The following DYNC2H1 variants were observed in gnomAD, a reference collection of about 807,000 sequenced individuals.
DYNC2H1 encodes cytoplasmic dynein 2 heavy chain 1.
A neutral mutation model predicts 570.0 loss-of-function variants in DYNC2H1; 410 were observed. That is an observed-to-expected ratio of 0.72 (90% CI 0.66 to 0.78). DYNC2H1 has a LOEUF of 0.78. Ranked by LOEUF, DYNC2H1 falls within the 30% of genes least tolerant of loss-of-function variation. The pLI is 0.00. For missense variants in DYNC2H1, 4,865 were observed against 5,046.4 expected (o/e 0.96, Z 1.09); for synonymous variants, 1,688 against 1,677.6 (o/e 1.01, Z -0.15).
At chr11:103,295,911 C>T (rs1866803531) in intron 75 of DYNC2H1, among the ~76,000 whole-genome samples, 2 of 152,256 alleles carry the variant, frequency 1.3e-5, no homozygotes, top group South Asian at 2.1e-4. Flanking sequence ...TGAGTGCCCT[C>T]GATAAAATCC....
chr11:103,238,497 A>G (rs1864305575), intron 63 of DYNC2H1, among the ~76,000 whole-genome samples: 1 of 150,508 alleles, frequency 6.6e-6, no homozygotes, highest in Non-Finnish European at 1.5e-5. Flanking sequence ...TGAAACTGGG[A>G]GGCAGAAGTT....
chr11:103,270,861 A>C (rs1360734290), intron 70 of DYNC2H1, among the ~76,000 whole-genome samples: 1 of 152,178 alleles, frequency 6.6e-6, no homozygotes, highest in Non-Finnish European at 1.5e-5. Context: ...TGTTGACTGT[A>C]GGTAACTGAA....
Position 103,173,194 on chromosome 11 carries a change from C to T in DYNC2H1, c.5447C>T (p.Ala1816Val), listed in dbSNP as rs749587339. 15 of 1,601,774 alleles carry T rather than the reference C, an allele frequency of 9.4e-6. No homozygotes were observed. Among genetic ancestry groups the T allele is most frequent in the Non-Finnish European group, 1.1e-5 (13 of 1,174,004 alleles). ...CTTAAACAGCTTTTCAGGCCCGTAG[C>T]TATGTCTCATCCAGACAATGAGCTT... The part of the protein sequence containing the change: ...DNLKQLFRPV[A>V]MSHPDNELIA... The change falls in exon 35 of 89, where the codon GCT (alanine) becomes GTT (valine). Residue 1816 changes from alanine (A) to valine (V), a missense_variant. This residue lies in a region of DYNC2H1 where 292 missense variants were observed against 300.2 expected (regional missense o/e 0.97). Coordinates refer to ENST00000375735, the MANE Select transcript of DYNC2H1 (RefSeq NM_001377.3).
chr11:103,472,939 CACA>C lies in DYNC2H1; in HGVS notation c.12765+4238_12765+4240del, dbSNP rs1207998926. Among the ~76,000 whole-genome samples, 1 of 152,120 alleles carries C rather than the reference CACA, an allele frequency of 6.6e-6. No individual in the cohort carries two copies. Among genetic ancestry groups the C allele is most frequent in the Non-Finnish European group, 1.5e-5 (1 of 68,028 alleles). ...ACTTGCCCACTAACCCAGTCATTTG[CACA>C]ACATTGCTTTGAGTTAGGCTGCAGC... On this transcript the variant is annotated intron_variant, in intron 88 of 88. Coordinates refer to ENST00000375735, the MANE Select transcript of DYNC2H1 (RefSeq NM_001377.3). This position sits in a 1 kb window ranked among gnomAD's most constrained non-coding sequence, Gnocchi z 4.1.
rs1037075239 is a variant in DYNC2H1 at position 103,446,376 on chromosome 11, A to G, written c.12457-8810A>G. 1.3e-5 allele frequency among the ~76,000 whole-genome samples: 2 copies of G among 152,188 alleles called. No individual in the cohort carries two copies. The highest frequency in any genetic ancestry group is 2.4e-5 in the African/African-American group (1 of 41,458). Reference sequence around the variant, plus strand: ...GAAAGCCTGGGAGGCTGTAGTGATCAAGAAGCCAAGAGAATAAAGTGTTCT... The same window carrying G: ...GAAAGCCTGGGAGGCTGTAGTGATCGAGAAGCCAAGAGAATAAAGTGTTCT... On this transcript the variant is annotated intron_variant, in intron 85 of 88. Coordinates refer to ENST00000375735, the MANE Select transcript of DYNC2H1 (RefSeq NM_001377.3). This position sits in a 1 kb window ranked among gnomAD's most constrained non-coding sequence, Gnocchi z 4.5.
chr11:103,399,169 G>T (rs1321147903), intron 83 of DYNC2H1, among the ~76,000 whole-genome samples: 1 of 136,158 alleles, frequency 7.3e-6, no homozygotes, highest in Non-Finnish European at 1.5e-5. Flanking sequence ...TTGAGATGGA[G>T]TCTCACTCTG....
chr11:103,262,249 A>G (rs1172581069), intron 70 of DYNC2H1, among the ~76,000 whole-genome samples: 3 of 152,328 alleles, frequency 2.0e-5, no homozygotes, highest in East Asian at 1.9e-4. Flanking sequence ...AGTGACGGGG[A>G]GAATGGAACC....
chr11:103,153,005 T>A (rs1860640715), intron 21 of DYNC2H1, among the ~76,000 whole-genome samples: 1 of 152,154 alleles, frequency 6.6e-6, no homozygotes, highest in South Asian at 2.1e-4. Context: ...ACAAACATTT[T>A]AAAATTATCT....
At chr11:103,184,823 A>G (rs903738449) in intron 40 of DYNC2H1, 73 bp from the exon 41 acceptor site, 3 of 1,486,854 alleles carry the variant, frequency 2.0e-6, no homozygotes, top group African/African-American at 2.8e-5. Flanking sequence ...TGTGAACATC[A>G]GTCTGTATGG....
At chr11:103,273,586 T>G (rs1565452718) in intron 70 of DYNC2H1, among the ~76,000 whole-genome samples, 1 of 152,226 alleles carries the variant, frequency 6.6e-6, no homozygotes, top group African/African-American at 2.4e-5. Context: ...CTGTAAATTG[T>G]GTTTTTAGTA....
In DYNC2H1 at chr11:103,184,936, T is replaced by C; in HGVS notation, c.6518T>C (p.Met2173Thr). Residue 2173 changes from methionine (M) to threonine (T), a missense_variant, in exon 41 of 89, where the codon ATG becomes ACG. Coordinates refer to ENST00000375735, the MANE Select transcript of DYNC2H1 (RefSeq NM_001377.3). ...VVETSLVGTV[M>T]NGLSHLHGCR... ...GAAACAAGTTTGGTTGGGACTGTGATGAATGGTTTGTCACATCTACATGGT... is the reference window on the plus strand; with the variant it reads ...GAAACAAGTTTGGTTGGGACTGTGACGAATGGTTTGTCACATCTACATGGT... 1 of 1,611,160 alleles carries C rather than the reference T, an allele frequency of 6.2e-7. No individual in the cohort carries two copies. Among genetic ancestry groups the C allele is most frequent in the Non-Finnish European group, 8.5e-7 (1 of 1,177,978 alleles).
Position 103,302,829 on chromosome 11 carries a change from G to A in DYNC2H1, c.11096-264G>A, listed in dbSNP as rs11225672. Reference sequence around the variant, plus strand: ...AATTTACAACACAGATGTTAAATGTGGTAATCAGGGTACCTACCTCATAGC... The same window carrying A: ...AATTTACAACACAGATGTTAAATGTAGTAATCAGGGTACCTACCTCATAGC... On this transcript the variant is annotated intron_variant, in intron 75 of 88. Transcript: ENST00000375735. Among the ~76,000 whole-genome samples, 49,055 of 151,842 alleles carry A rather than the reference G, an allele frequency of 0.32. 8,332 individuals are homozygous for A. The highest frequency in any genetic ancestry group is 0.37 in the Middle Eastern group (110 of 294).
chr11:103,441,224 G>A (rs1292183875), intron 85 of DYNC2H1, among the ~76,000 whole-genome samples: 1 of 151,892 alleles, frequency 6.6e-6, no homozygotes, highest in Non-Finnish European at 1.5e-5. Flanking sequence ...TACCCTTGCT[G>A]CTTCCTCTCC....
At chr11:103,187,006 A>G (rs1182460930) in intron 42 of DYNC2H1, among the ~76,000 whole-genome samples, 2 of 151,990 alleles carry the variant, frequency 1.3e-5, no homozygotes, top group South Asian at 2.1e-4. Context: ...TTTTAAACTC[A>G]TGGAACTTAA....
At chr11:103,351,207 G>A (rs761829994) in intron 82 of DYNC2H1, among the ~76,000 whole-genome samples, 2 of 152,090 alleles carry the variant, frequency 1.3e-5, no homozygotes, top group Non-Finnish European at 1.5e-5. Context: ...GTTTGTAGAC[G>A]GTGCTGGCTA....
At chr11:103,113,911 C>T (rs901409589) in intron 2 of DYNC2H1, among the ~76,000 whole-genome samples, 192 bp from the exon 3 acceptor site, 1 of 151,950 alleles carries the variant, frequency 6.6e-6, no homozygotes, top group Non-Finnish European at 1.5e-5. Flanking sequence ...AAATGCAATC[C>T]ACATCAACTC....
chr11:103,228,137 T>C lies in DYNC2H1; in HGVS notation c.9354-3123T>C, dbSNP rs780503663. Among the ~76,000 whole-genome samples, 12 of 152,202 alleles carry C rather than the reference T, an allele frequency of 7.9e-5. No homozygotes were observed. Among genetic ancestry groups the C allele is most frequent in the Non-Finnish European group, 1.8e-4 (12 of 68,034 alleles). The stretch of plus-strand genomic sequence containing the variant: ...ACTTGGTTGGTGAATTCTTATCCAT[T>C]CTGCCATTGTGTATCTTTTAAGTGG... On this transcript the variant is annotated intron_variant, in intron 59 of 88. Coordinates refer to ENST00000375735, the MANE Select transcript of DYNC2H1 (RefSeq NM_001377.3). This position sits in a 1 kb window ranked among gnomAD's most constrained non-coding sequence, Gnocchi z 6.1.
rs1859129987 is a variant in DYNC2H1, at chr11:103,128,915, A to T, written c.1863A>T (p.Ala621=). The change falls in exon 13 of 89, where the codon GCA becomes GCT. Residue 621 remains alanine, a synonymous_variant. Coordinates refer to ENST00000375735, the MANE Select transcript of DYNC2H1 (RefSeq NM_001377.3). The part of the protein sequence containing the change: ...CKQAIILKQV[A]HFYNSIDQQM... ...ATTGGACTTTTACTTTGTAGGTGGC[A>T]CATTTTTATAATTCTATTGATCAAC... is the stretch of plus-strand genomic sequence containing the variant. 6.3e-7 allele frequency: 1 copy of T among 1,581,630 alleles called. No individual in the cohort carries two copies. The highest frequency in any genetic ancestry group is 1.4e-5 in the African/African-American group (1 of 73,470).
At chr11:103,409,974 A>AAATTTCCATCGCCTATACCTTTATATAG in intron 84 of DYNC2H1, among the ~76,000 whole-genome samples, 1 of 150,718 alleles carries the variant, frequency 6.6e-6, no homozygotes, top group African/African-American at 2.5e-5. Flanking sequence ...CCTTTATATA[A>AAATTTCCATCGCCTATACCTTTATATAG]GATAAATGGT....
Sources: allele counts gnomAD v4.1 joint callset (sites outside exome capture counted in the v4.1 genomes callset), GRCh38; gene constraint gnomAD v4.1.1; regional missense constraint gnomAD v4.1.1; non-coding constraint Gnocchi (gnomAD v3.1); transcripts MANE v1.5; gene names NCBI Gene and HGNC (gene_info 2026-07-23, HGNC 2026-07-21).